Variants in LYZL2 observed in about 807,000 individuals in gnomAD.
LYZL2 encodes the protein lysozyme-like protein 2.
Under a neutral mutation model 17.1 loss-of-function variants are expected in LYZL2, and 13 were observed. The observed-to-expected ratio is 0.76, with a 90% confidence interval of 0.49 to 1.21. LYZL2 has a LOEUF of 1.21. LYZL2 is among the 50% of genes most tolerant of loss of function. The pLI is 0.00. For missense variants in LYZL2, 166 were observed against 189.2 expected (o/e 0.88, Z 0.72); for synonymous variants, 63 against 74.4 (o/e 0.85, Z 0.79).
chr10:30,628,040 G>A (rs1157884745), intron 1 of LYZL2, among the ~76,000 whole-genome samples: 1 of 152,084 alleles, frequency 6.6e-6, no homozygotes, highest in African/African-American at 2.4e-5. Context: ...TGTGTCTGTA[G>A]TCCCAGCTGC....
chr10:30,609,054 G>C (rs977756135), downstream of LYZL2, among the ~76,000 whole-genome samples: 2 of 152,158 alleles, frequency 1.3e-5, no homozygotes, highest in Admixed American at 6.5e-5. Context: ...TGCCCAGGCT[G>C]GTCTCCAATT....
intron 1 of LYZL2, among the ~76,000 whole-genome samples, chr10:30,627,987 G>A (rs941932468): frequency 2.6e-5 from 4 of 152,148 alleles, no homozygotes; most frequent in South Asian, 2.1e-4. Flanking sequence ...GTGAAACCCC[G>A]TCTCTACTAA....
chr10:30,613,540 T>C (rs1175865515), intron 3 of LYZL2, among the ~76,000 whole-genome samples: 1 of 151,668 alleles, frequency 6.6e-6, no homozygotes, highest in Non-Finnish European at 1.5e-5. Flanking sequence ...TAGTATAGTG[T>C]TTTCTGTATT....
At chr10:30,612,105 A>G (rs1454623679) in intron 4 of LYZL2, 81 bp from the exon 5 acceptor site, 5 of 1,537,402 alleles carry the variant, frequency 3.3e-6, no homozygotes, top group Non-Finnish European at 4.5e-6. Flanking sequence ...TACAGAAATT[A>G]ACCAAAATCG....
At chr10:30,606,354 T>A in the LYZL2 span, among the ~76,000 whole-genome samples, 1 of 149,480 alleles carries the variant, frequency 6.7e-6, no homozygotes, top group Non-Finnish European at 1.5e-5. Context: ...ATAATTACTT[T>A]TTTTTTTTTT....
At chr10:30,609,659 T>A (rs1164173772), downstream of LYZL2, among the ~76,000 whole-genome samples, 1 of 152,214 alleles carries the variant, frequency 6.6e-6, no homozygotes, top group East Asian at 1.9e-4. Context: ...TCAGTGTACC[T>A]GGTAACCAAC....
At chr10:30,616,119 T>C (rs1838523790) in intron 3 of LYZL2, among the ~76,000 whole-genome samples, 1 of 152,244 alleles carries the variant, frequency 6.6e-6, no homozygotes, top group East Asian at 1.9e-4. Flanking sequence ...GAAAGTGGAA[T>C]TTTTCCTTGA....
Position 30,626,236 on chromosome 10 carries a change from C to A in LYZL2, c.167G>T (p.Gly56Val). The A allele has an allele frequency of 6.2e-7, 1 of 1,614,250 alleles. No homozygotes were observed. Among genetic ancestry groups the A allele is most frequent in the Non-Finnish European group, 8.5e-7 (1 of 1,180,042 alleles). ...GACCGTCTGGGCTGTGGTGTTGTAG[C>A]CGCTCTCATAATACGCCATGCAGAT... is the stretch of plus-strand genomic sequence containing the variant. ...NWICMAYYES[G>V]YNTTAQTVLD... is the part of the protein sequence containing the mutation. The change falls in exon 3 of 5, where the codon GGC becomes GTC. Residue 56 changes from glycine to valine, a missense_variant. Around this residue, in one of 2 missense-constraint regions of LYZL2, gnomAD observed 134 missense variants for 129.4 expected, o/e 1.04. Transcript: ENST00000647634.
intron 1 of LYZL2, 131 bp downstream of exon 1, chr10:30,629,462 C>T (rs1243155092): frequency 2.5e-6 from 2 of 794,882 alleles, no homozygotes; most frequent in Non-Finnish European, 1.9e-6. Flanking sequence ...AGAATGTTAA[C>T]TGATCTCAAA....
chr10:30,626,264 C>T lies in LYZL2; in HGVS notation c.140-1G>A, dbSNP rs762444065. On this transcript the variant is annotated splice_acceptor_variant, in intron 2 of 4. Transcript: ENST00000647634. LOFTEE classifies it high-confidence loss of function. ...CTCTCATAATACGCCATGCAGATCC[C>T]TGGAGGGGGGAAAGCCAGAAACGCC... The T allele has an allele frequency of 1.9e-6, 3 of 1,613,312 alleles. No homozygotes were observed. The South Asian group carries it at 3.3e-5, about 18-fold the overall frequency.
chr10:30,624,237 T>C (rs1052411729), intron 3 of LYZL2, among the ~76,000 whole-genome samples: 1 of 152,190 alleles, frequency 6.6e-6, no homozygotes, highest in African/African-American at 2.4e-5. Context: ...TCCCATGTCC[T>C]CTGACTTCTG....
chr10:30,609,572 C>G (rs1210534351), downstream of LYZL2, among the ~76,000 whole-genome samples: 2 of 152,200 alleles, frequency 1.3e-5, no homozygotes, highest in African/African-American at 4.8e-5. Flanking sequence ...GTCCCAAGAA[C>G]CAGGCAGAGC....
chr10:30,623,882 C>G (rs1588677650), intron 3 of LYZL2, among the ~76,000 whole-genome samples: 1 of 152,140 alleles, frequency 6.6e-6, no homozygotes, highest in African/African-American at 2.4e-5. Context: ...TTCCCTGGTG[C>G]CAAAAAGGTT....
chr10:30,617,431 T>G (rs1288626271), intron 3 of LYZL2, among the ~76,000 whole-genome samples: 1 of 151,946 alleles, frequency 6.6e-6, no homozygotes, highest in Non-Finnish European at 1.5e-5. Context: ...ATCCCAGCAC[T>G]TCAGGAGGCT....
intron 3 of LYZL2, among the ~76,000 whole-genome samples, chr10:30,623,720 A>C (rs1838659827): frequency 6.6e-6 from 1 of 152,196 alleles, no homozygotes; most frequent in Non-Finnish European, 1.5e-5. Context: ...ACTCCCACTG[A>C]TTCTACATTA....
chr10:30,620,721 C>T (rs1487964929), intron 3 of LYZL2, among the ~76,000 whole-genome samples: 1 of 151,976 alleles, frequency 6.6e-6, no homozygotes. Context: ...ATTTAAATCA[C>T]TGCTTATAAA....
intron 1 of LYZL2, among the ~76,000 whole-genome samples, chr10:30,627,795 G>A (rs548103480): frequency 1.3e-5 from 2 of 152,220 alleles, no homozygotes; most frequent in African/African-American, 4.8e-5. Flanking sequence ...GGATCAACTG[G>A]GTGTGTAGAA....
chr10:30,627,669 G>A (rs561068414), intron 1 of LYZL2, among the ~76,000 whole-genome samples: 16 of 152,176 alleles, frequency 1.1e-4, no homozygotes, highest in East Asian at 3.9e-4. Flanking sequence ...TCATGTTATT[G>A]GTAAGGCTTC....
At chr10:30,618,842 A>G (rs1326628630) in intron 3 of LYZL2, among the ~76,000 whole-genome samples, 3 of 152,240 alleles carry the variant, frequency 2.0e-5, no homozygotes, top group Admixed American at 6.5e-5. Flanking sequence ...TAATTAAACT[A>G]AAGAGCTTCT....
Sources: allele counts gnomAD v4.1 joint callset (sites outside exome capture counted in the v4.1 genomes callset), GRCh38; gene constraint gnomAD v4.1.1; regional missense constraint gnomAD v4.1.1; transcripts MANE v1.5; gene names NCBI Gene and HGNC (gene_info 2026-07-23, HGNC 2026-07-21).